Variants in ALDH3A2 observed in about 807,000 individuals in gnomAD.
ALDH3A2 encodes the protein aldehyde dehydrogenase family 3 member A2.
Under a neutral mutation model 51.3 loss-of-function variants are expected in ALDH3A2, and 36 were observed. The observed-to-expected ratio is 0.70, with a 90% confidence interval of 0.54 to 0.93. The LOEUF (loss-of-function observed/expected upper bound fraction) is 0.93. Ranked by LOEUF, ALDH3A2 falls within the 40% of genes least tolerant of loss-of-function variation. The pLI, the probability that ALDH3A2 is intolerant of heterozygous loss-of-function variation, is 0.00. For synonymous variants in ALDH3A2, 199 were observed against 219.8 expected, an observed-to-expected ratio of 0.91 and a Z score of 0.84; for missense variants, 552 against 603.1, an observed-to-expected ratio of 0.92 and a Z score of 0.89.
At chr17:19,658,961 G>T (rs1053736342) in intron 5 of ALDH3A2, among the ~76,000 whole-genome samples, 1 of 152,168 alleles carries the variant, frequency 6.6e-6, no homozygotes, top group African/African-American at 2.4e-5. Context: ...GCCAGACATG[G>T]TGGCTCACGC....
At chr17:19,670,195 C>G (rs1430981629) in intron 8 of ALDH3A2, among the ~76,000 whole-genome samples, 2 of 152,128 alleles carry the variant, frequency 1.3e-5, no homozygotes, top group Non-Finnish European at 2.9e-5. Context: ...AACAAACAAA[C>G]AAAACCTTCC....
chr17:19,661,833 C>G (rs1293038730), intron 6 of ALDH3A2, among the ~76,000 whole-genome samples: 1 of 151,458 alleles, frequency 6.6e-6, no homozygotes, highest in Non-Finnish European at 1.5e-5. Context: ...TTTACTTATC[C>G]CCTTTATCAG....
In ALDH3A2 at chr17:19,654,630, G is replaced by C. The variant is rs2084869431; in HGVS notation, c.472-1736G>C. On this transcript the variant is annotated intron_variant, in intron 3 of 9. Coordinates refer to ENST00000176643, the MANE Select transcript of ALDH3A2 (RefSeq NM_000382.3). This position sits in a 1 kb window ranked among gnomAD's most constrained non-coding sequence, Gnocchi z 4.5. ...TCCGAGTGTGGGGCCCATTGAGCCT[G>C]CGCCCACCCAGAACTCGCTCTGGCT... Among the ~76,000 whole-genome samples, 1 of 152,134 alleles carries C rather than the reference G, an allele frequency of 6.6e-6. No individual in the cohort carries two copies.
chr17:19,666,346 A>G (rs1279536179), intron 8 of ALDH3A2, among the ~76,000 whole-genome samples: 1 of 152,152 alleles, frequency 6.6e-6, no homozygotes, highest in Non-Finnish European at 1.5e-5. Context: ...CCACTGTGCT[A>G]GTGCAGTAAT....
At chr17:19,651,802 A>T in intron 2 of ALDH3A2, 24 bp downstream of exon 2, 1 of 1,591,718 alleles carries the variant, frequency 6.3e-7, no homozygotes, top group Non-Finnish European at 8.6e-7. Context: ...TTATGTCTAT[A>T]TACCTTTTTA....
intron 8 of ALDH3A2, among the ~76,000 whole-genome samples, chr17:19,666,482 T>TAAAAC (rs2085039322): frequency 6.6e-6 from 1 of 152,066 alleles, no homozygotes; most frequent in African/African-American, 2.4e-5. Flanking sequence ...CCATCTTATT[T>TAAAAC]AAAACAAAAC....
intron 1 of ALDH3A2, among the ~76,000 whole-genome samples, chr17:19,651,046 A>G (rs2084808044): frequency 6.6e-6 from 1 of 152,256 alleles, no homozygotes; most frequent in Non-Finnish European, 1.5e-5. Context: ...GGATGACTCA[A>G]GAAATACAAT....
chr17:19,653,661 G>A (rs541973373), intron 3 of ALDH3A2, among the ~76,000 whole-genome samples: 128 of 152,286 alleles, frequency 8.4e-4, no homozygotes, highest in Middle Eastern at 6.8e-3. Flanking sequence ...GCAGACCTTC[G>A]CAGTGAGTGT....
Position 19,671,911 on chromosome 17 carries a change from C to T in ALDH3A2, c.1398C>T (p.Leu466=), listed in dbSNP as rs150927045. The T allele has an allele frequency of 5.6e-4, 912 of 1,614,180 alleles. 5 individuals carry two copies. The Middle Eastern group carries it at 9.9e-3, about 18-fold the overall frequency. ...LKRFNKEKLG[L]LLLTFLGIVA... ...GGTTCAACAAAGAAAAACTCGGTCT[C>T]CTGTTGCTCACTTTCCTGGGTATTG... The change falls in exon 9 of 10, where the codon CTC becomes CTT. Residue 466 remains leucine, a synonymous_variant. Transcript: ENST00000176643.
intron 2 of ALDH3A2, 151 bp from the exon 3 acceptor site, chr17:19,652,396 A>G (rs1431673291): frequency 9.2e-6 from 6 of 648,804 alleles, no homozygotes; most frequent in Admixed American, 2.5e-5. Flanking sequence ...AGAAAGTGAG[A>G]TGAGCTCTTA....
At chr17:19,648,400 C>CA (rs934077656), upstream of ALDH3A2, 2 of 153,746 alleles carry the variant, frequency 1.3e-5, no homozygotes, top group African/African-American at 4.8e-5. Context: ...GGGAACCCCT[C>CA]AGAGCGTGCC....
At chr17:19,663,139 C>T (rs937580734) in intron 6 of ALDH3A2, among the ~76,000 whole-genome samples, 194 bp from the exon 7 acceptor site, 3 of 152,168 alleles carry the variant, frequency 2.0e-5, no homozygotes, top group African/African-American at 7.2e-5. Flanking sequence ...CAAGTATCCG[C>T]AGGGTTGTGA....
At chr17:19,664,914 T>C (rs1471543587) in intron 7 of ALDH3A2, 34 bp from the exon 8 acceptor site, 1 of 1,555,470 alleles carries the variant, frequency 6.4e-7, no homozygotes, top group Admixed American at 1.7e-5. Flanking sequence ...AAGGGGCAAC[T>C]TCACTGACCT....
At chr17:19,659,086 C>T (rs2084934511) in intron 5 of ALDH3A2, among the ~76,000 whole-genome samples, 1 of 151,932 alleles carries the variant, frequency 6.6e-6, no homozygotes, top group African/African-American at 2.4e-5. Flanking sequence ...CAAAAATTAG[C>T]CGGGCATGGT....
chr17:19,675,447 T>A, intron 9 of ALDH3A2, 111 bp from the exon 10 acceptor site: 1 of 1,094,096 alleles, frequency 9.1e-7, no homozygotes, highest in Non-Finnish European at 1.4e-6. Context: ...ATGTAGAGTC[T>A]CTTCAGACAG....
chr17:19,663,198 T>C, intron 6 of ALDH3A2, 135 bp from the exon 7 acceptor site: 1 of 996,594 alleles, frequency 1.0e-6, no homozygotes, highest in Non-Finnish European at 1.5e-6. Context: ...ATCCACGTGC[T>C]CAGGATTTTT....
At chr17:19,662,437 A>G (rs1043020992) in intron 6 of ALDH3A2, among the ~76,000 whole-genome samples, 5 of 152,226 alleles carry the variant, frequency 3.3e-5, no homozygotes, top group Non-Finnish European at 1.5e-5. Context: ...GGGGTAAAGG[A>G]AAAGTGCCAA....
intron 9 of ALDH3A2, chr17:19,673,298 CTA>C (rs569979688): frequency 2.5e-5 from 40 of 1,611,938 alleles, no homozygotes; most frequent in Non-Finnish European, 3.4e-5. Flanking sequence ...TGTTTTCTTT[CTA>C]TATGTAAGGT....
chr17:19,673,668 A>G (rs1364622198), intron 9 of ALDH3A2, among the ~76,000 whole-genome samples: 1 of 152,128 alleles, frequency 6.6e-6, no homozygotes. Context: ...CAGTGAGCCA[A>G]GATTGTGCCA....
Sources: gnomAD v4.1 joint callset for allele counts (sites outside exome capture counted in the v4.1 genomes callset) on GRCh38, gnomAD v4.1.1 for gene constraint, Gnocchi (gnomAD v3.1) non-coding constraint, MANE v1.5 for transcripts, NCBI Gene and HGNC (gene_info 2026-07-23, HGNC 2026-07-21) for gene names.